The following ARHGAP15 variants were observed in gnomAD, a reference collection of about 807,000 sequenced individuals.
ARHGAP15 encodes Rho GTPase activating protein 15, also known as rho GTPase-activating protein 15.
Under a neutral mutation model 63.7 loss-of-function variants are expected in ARHGAP15, and 51 were observed. The observed-to-expected ratio is 0.80, with a 90% confidence interval of 0.64 to 1.01. The LOEUF is 1.01. Among genes scored for constraint, ARHGAP15 ranks in the 50% least tolerant of loss-of-function variants. The probability of loss-of-function intolerance (pLI) is 0.00; values close to 1 mark genes in which losing one functional copy is unlikely to be tolerated. For missense variants in ARHGAP15, 560 were observed against 564.6 expected (o/e 0.99, Z 0.08); for synonymous variants, 191 against 193.8 (o/e 0.99, Z 0.12).
intron 6 of ARHGAP15, among the ~76,000 whole-genome samples, chr2:143,338,137 CTTT>C (rs1305937088): frequency 1.3e-5 from 2 of 152,100 alleles, no homozygotes; most frequent in Admixed American, 6.6e-5. Flanking sequence ...TATTATTATT[CTTT>C]GAGAGCCTTT....
chr2:143,137,907 C>T (rs1490062590), intron 1 of ARHGAP15, among the ~76,000 whole-genome samples: 1 of 152,012 alleles, frequency 6.6e-6, no homozygotes, highest in Non-Finnish European at 1.5e-5. Flanking sequence ...GCTAAATGCA[C>T]TGGGGAAATC....
At position 143,320,414 on chromosome 2, in the gene ARHGAP15, C is replaced by CACG. The variant is rs1558890341; in HGVS notation, c.474+69814_474+69815insACG. ...CACAAATCAGGACTTCCCCACCCCC[C>CACG]CCCCCCCCAGAGATCCTATGATAAA... On this transcript the variant is annotated intron_variant, in intron 6 of 13. Transcript: ENST00000295095. Among the ~76,000 whole-genome samples, 185 of 92,750 alleles carry CACG rather than the reference C, an allele frequency of 2.0e-3. 5 individuals carry two copies. The highest frequency in any genetic ancestry group is 6.4e-3 in the African/African-American group (174 of 27,148). The allele number at this position is 92,750 out of a possible 152,430, so 60.8% of individuals were successfully genotyped here. A position where few individuals can be genotyped will look rare whatever the true frequency, so the allele number is the denominator to read the frequency against.
chr2:143,554,505 A>G (rs960713597), intron 10 of ARHGAP15, among the ~76,000 whole-genome samples: 1 of 152,146 alleles, frequency 6.6e-6, no homozygotes, highest in Non-Finnish European at 1.5e-5. Flanking sequence ...TATATGCTCA[A>G]AAAAATTAAG....
At chr2:143,493,184 G>A (rs531947741) in intron 9 of ARHGAP15, among the ~76,000 whole-genome samples, 8 of 152,060 alleles carry the variant, frequency 5.3e-5, no homozygotes, top group Middle Eastern at 3.4e-3. Context: ...CACAACTCCC[G>A]TGACTCTCAA....
At chr2:143,487,559 T>C in intron 9 of ARHGAP15, 64 bp downstream of exon 9, 1 of 1,517,768 alleles carries the variant, frequency 6.6e-7, no homozygotes. Flanking sequence ...TGTTCATAGC[T>C]AATCAGCTCT....
intron 13 of ARHGAP15, among the ~76,000 whole-genome samples, chr2:143,754,250 A>G (rs1385657875): frequency 1.3e-5 from 2 of 152,194 alleles, no homozygotes; most frequent in African/African-American, 4.8e-5. Flanking sequence ...CCATGAGCCA[A>G]ATACTAATCT....
intron 6 of ARHGAP15, among the ~76,000 whole-genome samples, chr2:143,262,667 C>T (rs909181689): frequency 6.6e-6 from 1 of 151,046 alleles, no homozygotes; most frequent in Non-Finnish European, 1.5e-5. Context: ...TTCATTCTTC[C>T]TCCTGCTGCT....
intron 5 of ARHGAP15, among the ~76,000 whole-genome samples, chr2:143,233,550 G>A (rs939195688): frequency 6.6e-6 from 1 of 150,912 alleles, no homozygotes. Context: ...GCATACAGAT[G>A]TCAGTTTCTT....
At chr2:143,202,595 CA>C (rs70982850) in intron 3 of ARHGAP15, among the ~76,000 whole-genome samples, 25,716 of 151,970 alleles carry the variant, frequency 0.17, 2,375 homozygotes, top group Middle Eastern at 0.24. Context: ...AGATGGAAGT[CA>C]AAAATCTCTT....
At chr2:143,572,631 C>T (rs1696510985) in intron 11 of ARHGAP15, among the ~76,000 whole-genome samples, 1 of 152,160 alleles carries the variant, frequency 6.6e-6, no homozygotes, top group Non-Finnish European at 1.5e-5. Flanking sequence ...GTTGACTCAC[C>T]TCAAATCACA....
intron 12 of ARHGAP15, among the ~76,000 whole-genome samples, chr2:143,658,590 G>A (rs778337498): frequency 6.6e-6 from 1 of 152,064 alleles, no homozygotes; most frequent in Non-Finnish European, 1.5e-5. Context: ...TAAATTACAG[G>A]GTTTGTTCAT....
Position 143,316,515 on chromosome 2 carries a change from TATATATTAAAATATATATAAC to T in ARHGAP15, c.474+65932_474+65952del, listed in dbSNP as rs1211348605. 4.5e-4 allele frequency among the ~76,000 whole-genome samples: 65 copies of T among 145,316 alleles called. 1 individual carries two copies. Among genetic ancestry groups the T allele is most frequent in the Admixed American group, 3.8e-3 (54 of 14,060 alleles). On this transcript the variant is annotated intron_variant, in intron 6 of 13. Transcript: ENST00000295095. Reference sequence around the variant, plus strand: ...AATCTCGCTATTTGTAATATATACATATATATTAAAATATATATAACATATATTAAAATATATGTTATATAT... The same window carrying T: ...AATCTCGCTATTTGTAATATATACATATATATTAAAATATATGTTATATAT...
At chr2:143,521,262 C>A (rs181524372) in intron 10 of ARHGAP15, among the ~76,000 whole-genome samples, 1 of 152,270 alleles carries the variant, frequency 6.6e-6, no homozygotes, top group East Asian at 1.9e-4. Flanking sequence ...CTTAAAGGAA[C>A]CCTATGGAAA....
At chr2:143,135,837 C>T (rs1246715926) in intron 1 of ARHGAP15, among the ~76,000 whole-genome samples, 1 of 152,146 alleles carries the variant, frequency 6.6e-6, no homozygotes, top group Non-Finnish European at 1.5e-5. Context: ...CTTTGGATTT[C>T]TACTTGTCTT....
intron 10 of ARHGAP15, among the ~76,000 whole-genome samples, chr2:143,545,211 A>G (rs551573444): frequency 6.6e-6 from 1 of 152,288 alleles, no homozygotes; most frequent in East Asian, 1.9e-4. Flanking sequence ...TCTCACCTGA[A>G]TGCTTAGCAG....
chr2:143,353,170 T>A (rs1256817853), intron 6 of ARHGAP15, among the ~76,000 whole-genome samples: 1 of 152,182 alleles, frequency 6.6e-6, no homozygotes, highest in African/African-American at 2.4e-5. Flanking sequence ...CACATGTTTG[T>A]AGTTCCAGCT....
At chr2:143,394,731 A>G (rs182246942) in intron 6 of ARHGAP15, among the ~76,000 whole-genome samples, 2 of 152,270 alleles carry the variant, frequency 1.3e-5, no homozygotes, top group African/African-American at 4.8e-5. Context: ...CATCCCATAC[A>G]CTTCAATGTC....
At chr2:143,323,567 C>T (rs1418001589) in intron 6 of ARHGAP15, among the ~76,000 whole-genome samples, 1 of 152,090 alleles carries the variant, frequency 6.6e-6, no homozygotes, top group East Asian at 1.9e-4. Context: ...AAAAATGATT[C>T]AGTGGCCCAT....
At chr2:143,754,624 T>G (rs1216508747) in intron 13 of ARHGAP15, among the ~76,000 whole-genome samples, 4 of 152,160 alleles carry the variant, frequency 2.6e-5, no homozygotes, top group Admixed American at 6.5e-5. Flanking sequence ...TCTGTCTGAT[T>G]CTCAGGATCC....
Sources: gnomAD v4.1 joint callset for allele counts (sites outside exome capture counted in the v4.1 genomes callset) on GRCh38, gnomAD v4.1.1 for gene constraint, MANE v1.5 for transcripts, NCBI Gene and HGNC (gene_info 2026-07-23, HGNC 2026-07-21) for gene names.